SPAG16: variants seen among roughly 807,000 people sequenced by gnomAD.
The protein encoded by SPAG16 is sperm-associated antigen 16 protein.
In SPAG16, 86 loss-of-function variants were observed where a neutral mutation model predicts 80.4. The ratio of observed to expected loss-of-function variants is 1.07; its 90% CI spans 0.90 to 1.28. The LOEUF is 1.28. Among genes scored for constraint, SPAG16 ranks in the 50% most tolerant of loss-of-function variants. The pLI, the probability that SPAG16 is intolerant of heterozygous loss-of-function variation, is 0.00. For synonymous variants in SPAG16, 294 were observed against 265.9 expected, an observed-to-expected ratio of 1.11 and a Z score of -1.03; for missense variants, 870 against 765.3, an observed-to-expected ratio of 1.14 and a Z score of -1.61.
At chr2:213,331,857 A>G (rs920446601) in intron 5 of SPAG16, among the ~76,000 whole-genome samples, 10 of 152,198 alleles carry the variant, frequency 6.6e-5, no homozygotes, top group Non-Finnish European at 1.5e-4. Flanking sequence ...ACAACATACC[A>G]TAATCTATGG....
chr2:213,540,480 TAAA>T (rs2076408433), intron 10 of SPAG16, among the ~76,000 whole-genome samples: 1 of 152,232 alleles, frequency 6.6e-6, no homozygotes, highest in African/African-American at 2.4e-5. Context: ...TTCATAAATG[TAAA>T]TACCTTTATA....
chr2:213,742,558 T>TTG (rs1559428605), intron 10 of SPAG16, among the ~76,000 whole-genome samples: 15 of 150,854 alleles, frequency 9.9e-5, no homozygotes, highest in African/African-American at 2.7e-4. Flanking sequence ...TTTTTTTTTT[T>TTG]TTTTTTTTTT....
At chr2:213,766,470 A>T (rs896188691) in intron 10 of SPAG16, among the ~76,000 whole-genome samples, 14 of 152,214 alleles carry the variant, frequency 9.2e-5, no homozygotes, top group African/African-American at 7.2e-5. Flanking sequence ...AGCTGAAATT[A>T]AAAAAGAGCT....
In SPAG16 at chr2:213,378,116, G is replaced by T. The variant is rs953550158; in HGVS notation, c.942+2997G>T. ...CATGGAGAAAGATGTAGGCTGGGAG[G>T]CTAGGCCAGTCTGGTCTTTTCACAT... On this transcript the variant is annotated intron_variant, in intron 9 of 15. Transcript: ENST00000331683. Among the ~76,000 whole-genome samples the T allele has an allele frequency of 2.6e-5, 4 of 152,130 alleles. No individual in the cohort carries two copies. The South Asian group carries it at 6.2e-4, about 24-fold the overall frequency.
chr2:213,885,154 G>T (rs530345470), intron 11 of SPAG16, among the ~76,000 whole-genome samples: 1 of 152,296 alleles, frequency 6.6e-6, no homozygotes, highest in East Asian at 1.9e-4. Flanking sequence ...GATGTTTTTA[G>T]ACAGCCAATA....
chr2:213,589,317 C>T (rs917461982), intron 10 of SPAG16, among the ~76,000 whole-genome samples: 22 of 152,152 alleles, frequency 1.4e-4, no homozygotes, highest in Admixed American at 7.2e-4. Context: ...CATATATTCC[C>T]GTTTGAAGTA....
intron 13 of SPAG16, among the ~76,000 whole-genome samples, chr2:214,102,472 T>C (rs962629804): frequency 6.6e-6 from 1 of 152,054 alleles, no homozygotes; most frequent in Non-Finnish European, 1.5e-5. Context: ...AGGTCCCGAA[T>C]GGCAGCTTTT....
chr2:213,361,195 A>G (rs1028800782), intron 7 of SPAG16, among the ~76,000 whole-genome samples: 8 of 152,016 alleles, frequency 5.3e-5, no homozygotes, highest in African/African-American at 1.9e-4. Context: ...AAAAACCTAT[A>G]ACTTTGTTTT....
At chr2:213,517,430 G>A (rs1434164417) in intron 10 of SPAG16, among the ~76,000 whole-genome samples, 1 of 152,086 alleles carries the variant, frequency 6.6e-6, no homozygotes, top group African/African-American at 2.4e-5. Flanking sequence ...AACTACCAAT[G>A]TCATTTTTCA....
At chr2:214,201,552 C>A (rs1021729692) in intron 15 of SPAG16, among the ~76,000 whole-genome samples, 2 of 152,110 alleles carry the variant, frequency 1.3e-5, no homozygotes, top group African/African-American at 4.8e-5. Context: ...AAAGTTCCTA[C>A]AAAGAACAAA....
At position 213,728,876 on chromosome 2, in the gene SPAG16, C is replaced by CAAAAAAAAAAAA. The variant is rs58070679; in HGVS notation, c.1071-133575_1071-133564dup. ...TGGGCGACAGAGTGAGACTCCGTCT[C>CAAAAAAAAAAAA]AAAAAAAAAAAAAAAAAAAAAAAAA... On this transcript the variant is annotated intron_variant, in intron 10 of 15. Coordinates refer to ENST00000331683, the MANE Select transcript of SPAG16 (RefSeq NM_024532.5). 5.6e-4 allele frequency among the ~76,000 whole-genome samples: 33 copies of CAAAAAAAAAAAA among 58,452 alleles called. 1 individual carries two copies. Among genetic ancestry groups the CAAAAAAAAAAAA allele is most frequent in the African/African-American group, 1.2e-3 (14 of 11,988 alleles). The allele number at this position is 58,452 out of a possible 152,430, so 38.3% of individuals were successfully genotyped here.
At chr2:213,302,945 G>C (rs957940792) in intron 3 of SPAG16, among the ~76,000 whole-genome samples, 14 of 152,038 alleles carry the variant, frequency 9.2e-5, no homozygotes, top group African/African-American at 2.7e-4. Context: ...CCCTCCTGCT[G>C]TCTGTCTTCC....
intron 15 of SPAG16, among the ~76,000 whole-genome samples, chr2:214,401,285 T>C (rs1050902626): frequency 1.2e-4 from 18 of 151,938 alleles, no homozygotes; most frequent in Admixed American, 1.2e-3. Flanking sequence ...TCAATAACAC[T>C]CTCCACAGGT....
chr2:213,336,544 C>T (rs930540284), intron 5 of SPAG16, among the ~76,000 whole-genome samples: 2 of 152,226 alleles, frequency 1.3e-5, no homozygotes, highest in Non-Finnish European at 2.9e-5. Flanking sequence ...CCATTGTCCC[C>T]TGCTGTAGGT....
At chr2:213,310,725 A>G (rs2063153331) in intron 4 of SPAG16, among the ~76,000 whole-genome samples, 1 of 151,782 alleles carries the variant, frequency 6.6e-6, no homozygotes, top group African/African-American at 2.4e-5. Context: ...TCTTGTTATA[A>G]TTGAAAATTT....
At chr2:214,034,635 C>G (rs2048591625) in intron 13 of SPAG16, among the ~76,000 whole-genome samples, 1 of 152,248 alleles carries the variant, frequency 6.6e-6, no homozygotes, top group African/African-American at 2.4e-5. Flanking sequence ...GGCACTGACA[C>G]AGGTGCTGGC....
At chr2:213,442,166 A>C (rs555074718) in intron 9 of SPAG16, among the ~76,000 whole-genome samples, 2 of 150,826 alleles carry the variant, frequency 1.3e-5, no homozygotes, top group East Asian at 3.9e-4. Context: ...AACAAACCGA[A>C]ACCACTATAT....
chr2:213,326,406 G>A (rs1321932593), intron 5 of SPAG16, among the ~76,000 whole-genome samples: 1 of 152,012 alleles, frequency 6.6e-6, no homozygotes, highest in Non-Finnish European at 1.5e-5. Flanking sequence ...TGAAAATAAA[G>A]ATAATAATGA....
At chr2:213,441,755 C>G (rs1181365568) in intron 9 of SPAG16, among the ~76,000 whole-genome samples, 1 of 152,162 alleles carries the variant, frequency 6.6e-6, no homozygotes, top group Non-Finnish European at 1.5e-5. Flanking sequence ...CCAAAAACCT[C>G]CTGGAATTAG....
Sources: gnomAD v4.1 joint callset for allele counts (sites outside exome capture counted in the v4.1 genomes callset) on GRCh38, gnomAD v4.1.1 for gene constraint, MANE v1.5 for transcripts, NCBI Gene and HGNC (gene_info 2026-07-23, HGNC 2026-07-21) for gene names.